The following TAFA1 variants were observed in gnomAD, a reference collection of about 807,000 sequenced individuals.
TAFA1 encodes the protein TAFA chemokine like family member 1, also known as chemokine-like protein TAFA-1.
Under a neutral mutation model 18.5 loss-of-function variants are expected in TAFA1, and 4 were observed. The ratio of observed to expected loss-of-function variants is 0.22; its 90% confidence interval spans 0.11 to 0.49. The LOEUF is 0.49. TAFA1 is among the 20% of genes least tolerant of loss of function. TAFA1 has a pLI of 0.98. For synonymous variants in TAFA1, 56 were observed against 55.2 expected (o/e 1.01, Z -0.06); for missense variants, 147 against 169.0 (o/e 0.87, Z 0.72).
At chr3:68,444,769 AAAATATATATATATAT>A (rs1311664555) in intron 3 of TAFA1, among the ~76,000 whole-genome samples, 22 of 63,654 alleles carry the variant, frequency 3.5e-4, no homozygotes, top group Non-Finnish European at 4.7e-4. Context: ...TTGTTTCTAC[AAAATATATATATATAT>A]ATATATATAT....
At chr3:68,145,114 T>A in intron 2 of TAFA1, 1 of 1,008,576 alleles carries the variant, frequency 9.9e-7, no homozygotes, top group Non-Finnish European at 1.6e-6. Flanking sequence ...CCCCAGTGTA[T>A]GGTCAGCGTC....
chr3:68,384,759 A>G (rs1011315844), intron 2 of TAFA1, among the ~76,000 whole-genome samples: 8 of 152,062 alleles, frequency 5.3e-5, no homozygotes, highest in South Asian at 4.2e-4. Context: ...AATATTGTCA[A>G]TGGGGTGTTA....
In TAFA1 at chr3:68,392,201, G is replaced by T. The variant is rs952653851; in HGVS notation, c.119-25079G>T. On this transcript the variant is annotated intron_variant, in intron 2 of 4. Coordinates refer to ENST00000478136, the MANE Select transcript of TAFA1 (RefSeq NM_213609.4). ...CAAAAAAAAAAAAAAAAAAAAGTAG[G>T]GATTGCAATCCTAGTCTCTGATAAA... Among the ~76,000 whole-genome samples, 10 of 147,088 alleles carry T rather than the reference G, an allele frequency of 6.8e-5. No individual in the cohort carries two copies. In the South Asian group the frequency reaches 1.5e-3, roughly 22 times the overall value.
Position 68,187,403 on chromosome 3 carries a change from T to G in TAFA1, c.118+180659T>G, listed in dbSNP as rs548687202. On this transcript the variant is annotated intron_variant, in intron 2 of 4. Transcript: ENST00000478136. ...CTTCATCCCTGGCCAAAGGTATGAT[T>G]CTGTTTAACTCTAGAGATTAGCTTT... 2.0e-5 allele frequency among the ~76,000 whole-genome samples: 3 copies of G among 152,140 alleles called. No homozygotes were observed. In the South Asian group the frequency reaches 6.2e-4, roughly 31 times the overall value.
intron 2 of TAFA1, among the ~76,000 whole-genome samples, chr3:68,325,606 T>G (rs2068763623): frequency 6.6e-6 from 1 of 152,198 alleles, no homozygotes; most frequent in Non-Finnish European, 1.5e-5. Context: ...TCAAATAACT[T>G]CTTTTTACTT....
chr3:68,520,580 C>T lies in TAFA1; in HGVS notation c.260-18176C>T, dbSNP rs114440997. 7.4e-3 allele frequency among the ~76,000 whole-genome samples: 1,122 copies of T among 152,262 alleles called. 7 individuals are homozygous for T. The highest frequency in any genetic ancestry group is 0.012 in the Non-Finnish European group (783 of 68,018). Reference sequence around the variant, plus strand: ...CTAGGCCATAACAGTTAGTATTACTCCATTGTGAGCAGATCTGGATTATAA... The same window carrying T: ...CTAGGCCATAACAGTTAGTATTACTTCATTGTGAGCAGATCTGGATTATAA... On this transcript the variant is annotated intron_variant, in intron 3 of 4. Transcript: ENST00000478136.
intron 2 of TAFA1, among the ~76,000 whole-genome samples, chr3:68,127,824 G>A: frequency 6.8e-6 from 1 of 147,260 alleles, no homozygotes; most frequent in East Asian, 2.0e-4. Context: ...TGGTGGTGAT[G>A]GTGGTGGTGA....
chr3:68,076,356 T>A (rs1222642081), intron 2 of TAFA1, among the ~76,000 whole-genome samples: 2 of 151,970 alleles, frequency 1.3e-5, no homozygotes, highest in Non-Finnish European at 2.9e-5. Context: ...GTGCACATTG[T>A]GCAGGTTAGT....
At chr3:68,169,878 CAA>C (rs2066030912) in intron 2 of TAFA1, among the ~76,000 whole-genome samples, 1 of 152,094 alleles carries the variant, frequency 6.6e-6, no homozygotes, top group Non-Finnish European at 1.5e-5. Flanking sequence ...CTTGTAATGA[CAA>C]AGTTTGTTAC....
At chr3:68,010,362 T>C (rs1471392305) in intron 2 of TAFA1, among the ~76,000 whole-genome samples, 2 of 152,192 alleles carry the variant, frequency 1.3e-5, no homozygotes, top group Non-Finnish European at 2.9e-5. Context: ...GAATTTGACG[T>C]GATGTTCCCC....
At chr3:68,158,885 G>C (rs1174283683) in intron 2 of TAFA1, among the ~76,000 whole-genome samples, 3 of 152,116 alleles carry the variant, frequency 2.0e-5, no homozygotes, top group Non-Finnish European at 4.4e-5. Flanking sequence ...AGTTTGAATG[G>C]GGAATATCTG....
At chr3:68,230,262 C>G (rs6801507) in intron 2 of TAFA1, among the ~76,000 whole-genome samples, 28,906 of 151,778 alleles carry the variant, frequency 0.19, 3,438 homozygotes, top group Middle Eastern at 0.28. Context: ...TTTATCCCCC[C>G]CTGCAACCCC....
intron 2 of TAFA1, among the ~76,000 whole-genome samples, chr3:68,080,450 A>G (rs1011821450): frequency 6.6e-6 from 1 of 152,000 alleles, no homozygotes; most frequent in Non-Finnish European, 1.5e-5. Flanking sequence ...AATGGCTGGT[A>G]CCGGTTGTTC....
rs546744913 is a variant in TAFA1 at position 68,031,592 on chromosome 3, G to A, written c.118+24848G>A. On this transcript the variant is annotated intron_variant, in intron 2 of 4. Coordinates refer to ENST00000478136, the MANE Select transcript of TAFA1 (RefSeq NM_213609.4). ...GATGGCCGGGAGAAAGATGAAAATC[G>A]TCATTTCCATTTGCTGAAATGTTCC... 9.9e-5 allele frequency among the ~76,000 whole-genome samples: 15 copies of A among 152,266 alleles called. No individual in the cohort carries two copies. In the South Asian group the frequency reaches 1.7e-3, roughly 17 times the overall value.
chr3:68,109,443 T>C (rs1249279033), intron 2 of TAFA1, among the ~76,000 whole-genome samples: 1 of 152,146 alleles, frequency 6.6e-6, no homozygotes, highest in Non-Finnish European at 1.5e-5. Flanking sequence ...AAAAAAAATA[T>C]TTTCAGATTA....
At chr3:68,081,274 C>T (rs1450154674) in intron 2 of TAFA1, among the ~76,000 whole-genome samples, 1 of 152,018 alleles carries the variant, frequency 6.6e-6, no homozygotes, top group Non-Finnish European at 1.5e-5. Context: ...TCCCATAGCT[C>T]AGAGTAATTT....
chr3:68,181,746 C>T (rs1323165261), intron 2 of TAFA1, among the ~76,000 whole-genome samples: 1 of 152,170 alleles, frequency 6.6e-6, no homozygotes, highest in Non-Finnish European at 1.5e-5. Flanking sequence ...ATGGCTTAGA[C>T]ATCTGTTGTG....
At chr3:68,268,356 C>G (rs2107220642) in intron 2 of TAFA1, among the ~76,000 whole-genome samples, 1 of 152,172 alleles carries the variant, frequency 6.6e-6, no homozygotes, top group African/African-American at 2.4e-5. Flanking sequence ...TGAGTTTTAG[C>G]AGATTCAAAC....
chr3:68,227,526 C>G (rs1462958485), intron 2 of TAFA1, among the ~76,000 whole-genome samples: 2 of 152,174 alleles, frequency 1.3e-5, no homozygotes, highest in Non-Finnish European at 2.9e-5. Flanking sequence ...ATGAGTACTT[C>G]AAACTCAAAA....
Sources: gnomAD v4.1 joint callset for allele counts (sites outside exome capture counted in the v4.1 genomes callset) on GRCh38, gnomAD v4.1.1 for gene constraint, MANE v1.5 for transcripts, NCBI Gene and HGNC (gene_info 2026-07-23, HGNC 2026-07-21) for gene names.